ARHGEF18: variants seen among roughly 807,000 people sequenced by gnomAD.
The protein encoded by ARHGEF18 is rho guanine nucleotide exchange factor 18.
In ARHGEF18, 93 loss-of-function variants were observed where a neutral mutation model predicts 155.7. The ratio of observed to expected loss-of-function variants is 0.60; its 90% confidence interval spans 0.50 to 0.71. ARHGEF18 has a LOEUF of 0.71. Among genes scored for constraint, ARHGEF18 ranks in the 30% least tolerant of loss-of-function variants. The pLI is 0.00. For missense variants in ARHGEF18, 1,593 were observed against 1,816.1 expected (o/e 0.88, Z 2.23); for synonymous variants, 742 against 753.1 (o/e 0.99, Z 0.24).
intron 10 of ARHGEF18, among the ~76,000 whole-genome samples, chr19:7,402,857 T>C (rs574920197): frequency 2.0e-5 from 3 of 152,268 alleles, no homozygotes; most frequent in African/African-American, 7.2e-5. Context: ...GGAGCAGGTA[T>C]AGCCCAGGCA....
Position 7,395,079 on chromosome 19 carries a change from G to A in ARHGEF18, c.967+11876G>A. On this transcript the variant is annotated intron_variant, in intron 10 of 28. Coordinates refer to ENST00000668164, the MANE Select transcript of ARHGEF18 (RefSeq NM_001367823.1). The surrounding 1 kb of genome is among the most constrained non-coding windows in gnomAD (Gnocchi z 5.0). ...CCTTCCGGGTCACGCCCTCTGCCCCGCCTCCGAGGCGGGATCGCGCATGCG... is the reference window on the plus strand; with the variant it reads ...CCTTCCGGGTCACGCCCTCTGCCCCACCTCCGAGGCGGGATCGCGCATGCG... 1 of 985,462 alleles carries A rather than the reference G, an allele frequency of 1.0e-6. No individual in the cohort carries two copies. Among genetic ancestry groups the A allele is most frequent in the South Asian group, 4.7e-5 (1 of 21,298 alleles). 61.0% of individuals were successfully genotyped at this position (985,462 alleles called of 1,614,324 possible). A position where few individuals can be genotyped will look rare whatever the true frequency, so the allele number is the denominator to read the frequency against.
At chr19:7,368,020 CGGAAGGAAGGAA>C (rs374690580) in intron 2 of ARHGEF18, among the ~76,000 whole-genome samples, 4 of 95,190 alleles carry the variant, frequency 4.2e-5, no homozygotes, top group East Asian at 3.0e-4. Context: ...GGAGGGAGGG[CGGAAGGAAGGAA>C]GGAAGGAAGG....
intron 1 of ARHGEF18, among the ~76,000 whole-genome samples, chr19:7,354,517 G>A (rs1257343222): frequency 6.6e-6 from 1 of 152,150 alleles, no homozygotes. Context: ...CACAAGGAGT[G>A]AAGACGCTGA....
In ARHGEF18 at chr19:7,395,075, C is replaced by T. The variant is rs1259805812; in HGVS notation, c.967+11872C>T. On this transcript the variant is annotated intron_variant, in intron 10 of 28. Coordinates refer to ENST00000668164, the MANE Select transcript of ARHGEF18 (RefSeq NM_001367823.1). This position sits in a 1 kb window ranked among gnomAD's most constrained non-coding sequence, Gnocchi z 5.0. ...GCCTCCTTCCGGGTCACGCCCTCTG[C>T]CCCGCCTCCGAGGCGGGATCGCGCA... 8.1e-6 allele frequency: 8 copies of T among 985,398 alleles called. No individual in the cohort carries two copies. The highest frequency in any genetic ancestry group is 9.6e-6 in the Non-Finnish European group (8 of 829,974). The allele number at this position is 985,398 out of a possible 1,614,324, so 61.0% of individuals were successfully genotyped here. A position where few individuals can be genotyped will look rare whatever the true frequency, so the allele number is the denominator to read the frequency against.
downstream of ARHGEF18, among the ~76,000 whole-genome samples, chr19:7,474,106 AGGCAGGC>A (rs1977157126): frequency 6.6e-6 from 1 of 152,048 alleles, no homozygotes; most frequent in Non-Finnish European, 1.5e-5. Flanking sequence ...TGGGAGGCCG[AGGCAGGC>A]AGATCACCTG....
downstream of ARHGEF18, among the ~76,000 whole-genome samples, chr19:7,475,618 C>G (rs1339070736): frequency 6.6e-6 from 1 of 152,186 alleles, no homozygotes; most frequent in African/African-American, 2.4e-5. Context: ...AGCATCCAAC[C>G]TGTCTGCTCT....
intron 1 of ARHGEF18, among the ~76,000 whole-genome samples, chr19:7,357,743 A>C (rs1969368203): frequency 6.6e-6 from 1 of 152,074 alleles, no homozygotes; most frequent in Admixed American, 6.6e-5. Flanking sequence ...TTCCCGGGGA[A>C]AGGGTGGGAT....
chr19:7,440,068 G>A lies in ARHGEF18; in HGVS notation c.968-276G>A, dbSNP rs1376068633. The A allele has an allele frequency of 1.3e-6, 2 of 1,550,504 alleles. No homozygotes were observed. Among genetic ancestry groups the A allele is most frequent in the Non-Finnish European group, 1.7e-6 (2 of 1,146,616 alleles). ...CATAAAAACGGCGCAGCCCAGCCTG[G>A]CGCCGCGCCGGGTCCCGGAGCCCCG... On this transcript the variant is annotated intron_variant, in intron 10 of 28. Coordinates refer to ENST00000668164, the MANE Select transcript of ARHGEF18 (RefSeq NM_001367823.1). The surrounding 1 kb of genome is among the most constrained non-coding windows in gnomAD (Gnocchi z 5.4).
intron 23 of ARHGEF18, among the ~76,000 whole-genome samples, chr19:7,465,192 C>G (rs925143527): frequency 2.0e-5 from 3 of 152,186 alleles, no homozygotes; most frequent in African/African-American, 4.8e-5. Context: ...GCCAAGCCCA[C>G]TCTACCTCCC....
intron 10 of ARHGEF18, among the ~76,000 whole-genome samples, chr19:7,428,536 A>G (rs928188680): frequency 6.6e-6 from 1 of 151,318 alleles, no homozygotes; most frequent in African/African-American, 2.4e-5. Flanking sequence ...TTTTTTTTTT[A>G]AGTGGAACTT....
chr19:7,387,622 C>T (rs1471026534), intron 10 of ARHGEF18, among the ~76,000 whole-genome samples: 1 of 152,050 alleles, frequency 6.6e-6, no homozygotes, highest in Non-Finnish European at 1.5e-5. Context: ...CAGGACAGCT[C>T]GCCTGTTCAT....
intron 10 of ARHGEF18, chr19:7,390,791 T>C (rs576042982): frequency 9.9e-5 from 15 of 152,112 alleles, no homozygotes; most frequent in African/African-American, 3.1e-4. Context: ...CCTGTAATCC[T>C]AGCACTTTGG....
At chr19:7,397,932 C>G (rs1568297368) in intron 10 of ARHGEF18, among the ~76,000 whole-genome samples, 1 of 152,020 alleles carries the variant, frequency 6.6e-6, no homozygotes, top group African/African-American at 2.4e-5. Context: ...TGCAACGTGA[C>G]ATATTCTTGA....
rs374190359 is a variant in ARHGEF18 at position 7,453,462 on chromosome 19, G to A, written c.1856-5G>A. 5.0e-6 allele frequency: 8 copies of A among 1,585,614 alleles called. No individual in the cohort carries two copies. The South Asian group carries it at 6.8e-5, about 13-fold the overall frequency. ...GAAAGACGCTAACTCTGCTATGTGT[G>A]GCAGCTGGCACTGAGGACTATGAAG... On this transcript the variant is annotated splice_polypyrimidine_tract_variant and splice_region_variant and intron_variant, in intron 16 of 28. Transcript: ENST00000668164.
At chr19:7,364,390 A>AAGGG (rs764381012) in intron 2 of ARHGEF18, among the ~76,000 whole-genome samples, 1 of 147,120 alleles carries the variant, frequency 6.8e-6, no homozygotes, top group African/African-American at 2.5e-5. Flanking sequence ...GGAAGGAAGG[A>AAGGG]AGGAAGGAAG....
intron 20 of ARHGEF18, among the ~76,000 whole-genome samples, chr19:7,460,850 G>A (rs1288624817): frequency 2.7e-5 from 4 of 150,764 alleles, no homozygotes; most frequent in Admixed American, 6.6e-5. Context: ...ATGCAGTGGC[G>A]TGATCTCGGC....
intron 10 of ARHGEF18, among the ~76,000 whole-genome samples, chr19:7,419,148 C>T (rs1973190354): frequency 7.1e-6 from 1 of 140,452 alleles, no homozygotes; most frequent in South Asian, 2.2e-4. Flanking sequence ...CTCTGTACCC[C>T]AGATGTACCC....
chr19:7,401,904 A>G (rs1972035285), intron 10 of ARHGEF18, among the ~76,000 whole-genome samples: 1 of 152,210 alleles, frequency 6.6e-6, no homozygotes, highest in Non-Finnish European at 1.5e-5. Flanking sequence ...GCCATGAAAA[A>G]GAAGTTCCGA....
rs557583133 is a variant in ARHGEF18, at chr19:7,449,107, C to T, written c.1737+1939C>T. On this transcript the variant is annotated intron_variant, in intron 15 of 28. Coordinates refer to ENST00000668164, the MANE Select transcript of ARHGEF18 (RefSeq NM_001367823.1). The stretch of plus-strand genomic sequence containing the variant: ...GGGATTCCAATGAAACCTCCGTCCA[C>T]GGACTCTTGCAAATCCCACAGCGGC... Among the ~76,000 whole-genome samples, 49 of 152,246 alleles carry T rather than the reference C, an allele frequency of 3.2e-4. No homozygotes were observed. In the South Asian group the frequency reaches 9.1e-3, roughly 28 times the overall value.
Sources: allele counts gnomAD v4.1 joint callset (sites outside exome capture counted in the v4.1 genomes callset), GRCh38; gene constraint gnomAD v4.1.1; non-coding constraint Gnocchi (gnomAD v3.1); transcripts MANE v1.5; gene names NCBI Gene and HGNC (gene_info 2026-07-23, HGNC 2026-07-21).